CELSR1: variants seen among roughly 807,000 people sequenced by gnomAD.
CELSR1 encodes adhesion G protein-coupled receptor C1.
CELSR1 carries 110 observed loss-of-function variants against 249.1 expected under a neutral mutation model. That is an observed-to-expected ratio of 0.44 (90% CI 0.38 to 0.52). The LOEUF (loss-of-function observed/expected upper bound fraction) is 0.52, where lower values mean the gene tolerates loss of function less well. CELSR1 is among the 20% of genes least tolerant of loss of function. The probability of loss-of-function intolerance (pLI) is 0.00; values close to 1 mark genes in which losing one functional copy is unlikely to be tolerated. For missense variants in CELSR1, 4,109 were observed against 4,296.4 expected, an observed-to-expected ratio of 0.96 and a Z score of 1.22; for synonymous variants, 2,113 against 1,900.0, an observed-to-expected ratio of 1.11 and a Z score of -2.92.
rs771381763 is a variant in CELSR1 at position 46,378,699 on chromosome 22, C to G, written c.7275G>C (p.Gly2425=). 12 of 1,612,570 alleles carry G rather than the reference C, an allele frequency of 7.4e-6. No individual in the cohort carries two copies. The South Asian group carries it at 1.2e-4, about 16-fold the overall frequency. The change falls in exon 23 of 35, where the codon GGG becomes GGC. Residue 2425 remains glycine (G), a synonymous_variant. Coordinates refer to ENST00000674500, the MANE Select transcript of CELSR1 (RefSeq NM_001378328.1). The stretch of plus-strand genomic sequence containing the variant: ...GGAGCTCGCAGCCCCGGGCAGACCA[C>G]CCTCCCGTCCCACCAACGCTGCGGA... ...NHSLAVGGTG[G]WSARGCELLS...
intron 1 of CELSR1, among the ~76,000 whole-genome samples, chr22:46,509,917 G>A (rs566799478): frequency 6.6e-6 from 1 of 152,344 alleles, no homozygotes; most frequent in African/African-American, 2.4e-5. Flanking sequence ...CGAAAGACAC[G>A]AAGTGCCCCG....
At chr22:46,368,661 G>A (rs916665258) in intron 27 of CELSR1, among the ~76,000 whole-genome samples, 1 of 152,054 alleles carries the variant, frequency 6.6e-6, no homozygotes, top group Non-Finnish European at 1.5e-5. Flanking sequence ...GCTCCTGGAC[G>A]CTGTGCTGAG....
In CELSR1 at chr22:46,527,269, C is replaced by G. The variant is rs1049543814; in HGVS notation, c.3544+6358G>C. The stretch of plus-strand genomic sequence containing the variant: ...AGCTGGCAAAGCCCTCCTCAGCCAC[C>G]CCCATGCTGGAGCAAGCATGATGTC... On this transcript the variant is annotated intron_variant, in intron 1 of 34. Coordinates refer to ENST00000674500, the MANE Select transcript of CELSR1 (RefSeq NM_001378328.1). The surrounding 1 kb of genome is among the most constrained non-coding windows in gnomAD (Gnocchi z 5.5). Among the ~76,000 whole-genome samples, 1 of 152,170 alleles carries G rather than the reference C, an allele frequency of 6.6e-6. No individual in the cohort carries two copies. The highest frequency in any genetic ancestry group is 6.5e-5 in the Admixed American group (1 of 15,282).
At chr22:46,469,226 C>A (rs892865194) in intron 1 of CELSR1, among the ~76,000 whole-genome samples, 2 of 152,178 alleles carry the variant, frequency 1.3e-5, no homozygotes, top group African/African-American at 4.8e-5. Context: ...ATATTGACCT[C>A]ATCACCTTGC....
Position 46,433,426 on chromosome 22 carries a change from C to G in CELSR1, c.4578G>C (p.Arg1526=). The change falls in exon 5 of 35, where the codon CGG becomes CGC. Residue 1526 remains arginine (R), a synonymous_variant. Transcript: ENST00000674500. The surrounding 1 kb of genome is among the most constrained non-coding windows in gnomAD (Gnocchi z 5.7). ...AGTACTGCACCTGCACAGAGTGCCACCGCCCGTCACTCACACCACTGGGAA... is the reference window on the plus strand; with the variant it reads ...AGTACTGCACCTGCACAGAGTGCCAGCGCCCGTCACTCACACCACTGGGAA... ...PKVPSGVSDG[R]WHSVQVQYYN... 4 of 1,613,950 alleles carry G rather than the reference C, an allele frequency of 2.5e-6. No individual in the cohort carries two copies. Among genetic ancestry groups the G allele is most frequent in the Non-Finnish European group, 2.5e-6 (3 of 1,179,918 alleles).
chr22:46,369,534 C>A (rs935141787), intron 26 of CELSR1, among the ~76,000 whole-genome samples, 158 bp downstream of exon 26: 1 of 152,208 alleles, frequency 6.6e-6, no homozygotes, highest in Non-Finnish European at 1.5e-5. Flanking sequence ...GGGTGAGGTC[C>A]GGGAGGGCCC....
In CELSR1 at chr22:46,518,117, C is replaced by T. The variant is rs531642606; in HGVS notation, c.3544+15510G>A. ...ATGGGGTTTCTCCATGTTGGTCAGG[C>T]TGGTCTCGAACTCGTGACCTCAGGT... On this transcript the variant is annotated intron_variant, in intron 1 of 34. Transcript: ENST00000674500. This position sits in a 1 kb window ranked among gnomAD's most constrained non-coding sequence, Gnocchi z 5.2. Among the ~76,000 whole-genome samples, 5 of 152,286 alleles carry T rather than the reference C, an allele frequency of 3.3e-5. No homozygotes were observed. The South Asian group carries it at 1.0e-3, about 32-fold the overall frequency.
chr22:46,492,915 T>C (rs544952495), intron 1 of CELSR1, among the ~76,000 whole-genome samples: 1 of 151,970 alleles, frequency 6.6e-6, no homozygotes, highest in African/African-American at 2.4e-5. Context: ...AAAAAGAGCA[T>C]GGAAAACATT....
chr22:46,496,799 T>C (rs2080418630), intron 1 of CELSR1, among the ~76,000 whole-genome samples: 2 of 152,058 alleles, frequency 1.3e-5, no homozygotes, highest in Non-Finnish European at 1.5e-5. Context: ...ATACTAATAA[T>C]GCCTTCTTCT....
At position 46,393,026 on chromosome 22, in the gene CELSR1, T is replaced by C. The variant is rs1384541281; in HGVS notation, c.5964+1116A>G. Among the ~76,000 whole-genome samples, 1 of 152,154 alleles carries C rather than the reference T, an allele frequency of 6.6e-6. No individual in the cohort carries two copies. The highest frequency in any genetic ancestry group is 1.5e-5 in the Non-Finnish European group (1 of 68,018). On this transcript the variant is annotated intron_variant, in intron 14 of 34. Coordinates refer to ENST00000674500, the MANE Select transcript of CELSR1 (RefSeq NM_001378328.1). This position sits in a 1 kb window ranked among gnomAD's most constrained non-coding sequence, Gnocchi z 4.1. ...GAGCCTTTCAGGACACAAGTCCCAT[T>C]TGCTGTTGGAACCACCGCAGGCACT...
chr22:46,449,121 C>T (rs1192620260), intron 2 of CELSR1, among the ~76,000 whole-genome samples: 1 of 151,376 alleles, frequency 6.6e-6, no homozygotes, highest in African/African-American at 2.4e-5. Flanking sequence ...GTTCATCCAC[C>T]CACCCACCCA....
Position 46,441,254 on chromosome 22 carries a change from C to T in CELSR1, c.4184-1843G>A, listed in dbSNP as rs909735496. ...ACCCAGCATACCCTTCAAATGGCAGCATCTTCCTGGAGCCCAGACCTCGCT... is the reference window on the plus strand; with the variant it reads ...ACCCAGCATACCCTTCAAATGGCAGTATCTTCCTGGAGCCCAGACCTCGCT... On this transcript the variant is annotated intron_variant, in intron 2 of 34. Coordinates refer to ENST00000674500, the MANE Select transcript of CELSR1 (RefSeq NM_001378328.1). The surrounding 1 kb of genome is among the most constrained non-coding windows in gnomAD (Gnocchi z 6.1). Among the ~76,000 whole-genome samples, 3 of 152,058 alleles carry T rather than the reference C, an allele frequency of 2.0e-5. No homozygotes were observed. The highest frequency in any genetic ancestry group is 4.4e-5 in the Non-Finnish European group (3 of 68,020).
At position 46,411,375 on chromosome 22, in the gene CELSR1, C is replaced by A. The variant is rs1324870061; in HGVS notation, c.4769+227G>T. Reference sequence around the variant, plus strand: ...GGGGTCTGCAAGCTGGCCATCACAACCCTGGGGTCGGCCTGGCCACTCTTG... The same window carrying A: ...GGGGTCTGCAAGCTGGCCATCACAAACCTGGGGTCGGCCTGGCCACTCTTG... On this transcript the variant is annotated intron_variant, in intron 6 of 34. Coordinates refer to ENST00000674500, the MANE Select transcript of CELSR1 (RefSeq NM_001378328.1). This position sits in a 1 kb window ranked among gnomAD's most constrained non-coding sequence, Gnocchi z 4.2. 2.6e-5 allele frequency among the ~76,000 whole-genome samples: 4 copies of A among 152,160 alleles called. No individual in the cohort carries two copies. Among genetic ancestry groups the A allele is most frequent in the Non-Finnish European group, 5.9e-5 (4 of 68,022 alleles).
intron 5 of CELSR1, among the ~76,000 whole-genome samples, chr22:46,422,612 T>A (rs1442094079): frequency 1.3e-5 from 2 of 149,626 alleles, no homozygotes; most frequent in Non-Finnish European, 1.5e-5. Flanking sequence ...AATAAATAAA[T>A]AAAAATTAGC....
Position 46,526,871 on chromosome 22 carries a change from C to T in CELSR1, c.3544+6756G>A, listed in dbSNP as rs956257807. Among the ~76,000 whole-genome samples the T allele has an allele frequency of 6.6e-6, 1 of 152,226 alleles. No individual in the cohort carries two copies. The highest frequency in any genetic ancestry group is 1.5e-5 in the Non-Finnish European group (1 of 68,046). The stretch of plus-strand genomic sequence containing the variant: ...ATCAACTTCAGGACACTCTCAAAGA[C>T]GCCCAGCCACACGGGGCCAAAAATG... On this transcript the variant is annotated intron_variant, in intron 1 of 34. Transcript: ENST00000674500. The surrounding 1 kb of genome is among the most constrained non-coding windows in gnomAD (Gnocchi z 4.7).
chr22:46,378,548 GC>G lies in CELSR1; in HGVS notation c.7383+42del, dbSNP rs753923230. The G allele has an allele frequency of 8.2e-5, 126 of 1,530,264 alleles. No homozygotes were observed. The African/African-American group carries it at 1.5e-3, about 19-fold the overall frequency. 94.8% of individuals were successfully genotyped at this position (1,530,264 alleles called of 1,614,324 possible). ...GGTTTGGGGGGGAGGGGCAGGTTTG[GC>G]GGTAGGCCCAGAGGGCACAGTGGCC... On this transcript the variant is annotated intron_variant, in intron 23 of 34. Transcript: ENST00000674500.
In CELSR1 at chr22:46,410,658, A is replaced by G. The variant is rs531616385; in HGVS notation, c.4770-97T>C. On this transcript the variant is annotated intron_variant, in intron 6 of 34. Coordinates refer to ENST00000674500, the MANE Select transcript of CELSR1 (RefSeq NM_001378328.1). The surrounding 1 kb of genome is among the most constrained non-coding windows in gnomAD (Gnocchi z 6.8). The stretch of plus-strand genomic sequence containing the variant: ...TTGCCTCTGTGTAGCCTCTACCACC[A>G]TAACTACTTCAGAAACCAAGCAGAC... 2.9e-4 allele frequency: 368 copies of G among 1,281,516 alleles called. 1 individual carries two copies. Among genetic ancestry groups the G allele is most frequent in the African/African-American group, 2.3e-3 (157 of 67,816 alleles). 79.4% of individuals were successfully genotyped at this position (1,281,516 alleles called of 1,614,324 possible).
chr22:46,427,801 A>G lies in CELSR1; in HGVS notation c.4611+5592T>C, dbSNP rs1483741217. On this transcript the variant is annotated intron_variant, in intron 5 of 34. Transcript: ENST00000674500. This position sits in a 1 kb window ranked among gnomAD's most constrained non-coding sequence, Gnocchi z 4.2. ...AAGGGAAGGCTACGTGGCCTCACCC[A>G]GGGGACCACACAACTGTCTAACCAC... Among the ~76,000 whole-genome samples the G allele has an allele frequency of 6.6e-6, 1 of 152,192 alleles. No individual in the cohort carries two copies. Among genetic ancestry groups the G allele is most frequent in the Non-Finnish European group, 1.5e-5 (1 of 68,034 alleles).
intron 1 of CELSR1, among the ~76,000 whole-genome samples, chr22:46,496,717 T>C (rs946411954): frequency 6.6e-6 from 1 of 152,106 alleles, no homozygotes. Flanking sequence ...AATATCACTG[T>C]CTTCCACCTC....
Sources: allele counts gnomAD v4.1 joint callset (sites outside exome capture counted in the v4.1 genomes callset), GRCh38; gene constraint gnomAD v4.1.1; non-coding constraint Gnocchi (gnomAD v3.1); transcripts MANE v1.5; gene names NCBI Gene and HGNC (gene_info 2026-07-23, HGNC 2026-07-21).